Variants in GABRB1 observed in about 807,000 individuals in gnomAD.
GABRB1 encodes gamma-aminobutyric acid type A receptor subunit beta1, also known as gamma-aminobutyric acid receptor subunit beta-1.
Under a neutral mutation model 51.6 loss-of-function variants are expected in GABRB1, and 17 were observed. The ratio of observed to expected loss-of-function variants is 0.33; its 90% CI spans 0.23 to 0.49. GABRB1 has a LOEUF of 0.49. Among genes scored for constraint, GABRB1 ranks in the 20% least tolerant of loss-of-function variants. The probability of loss-of-function intolerance (pLI) is 0.99; values close to 1 mark genes in which losing one functional copy is unlikely to be tolerated. For missense variants in GABRB1, 410 were observed against 600.6 expected (o/e 0.68, Z 3.32); for synonymous variants, 247 against 218.9 (o/e 1.13, Z -1.14).
intron 5 of GABRB1, among the ~76,000 whole-genome samples, chr4:47,337,248 C>T (rs546152181): frequency 1.1e-4 from 16 of 152,028 alleles, no homozygotes; most frequent in South Asian, 2.1e-4. Context: ...ATCCCCCCAT[C>T]CCCCGAAAGA....
chr4:47,365,634 G>A (rs1019034111), intron 5 of GABRB1, among the ~76,000 whole-genome samples: 1 of 152,030 alleles, frequency 6.6e-6, no homozygotes, highest in African/African-American at 2.4e-5. Context: ...TGTTTACTCC[G>A]TGTCTTCTGG....
At chr4:47,214,082 C>T (rs546472229) in intron 4 of GABRB1, among the ~76,000 whole-genome samples, 3 of 152,190 alleles carry the variant, frequency 2.0e-5, no homozygotes, top group East Asian at 1.9e-4. Context: ...GCTAGTGTGC[C>T]TGTTACTGAC....
chr4:47,353,081 A>G (rs1174482940), intron 5 of GABRB1, among the ~76,000 whole-genome samples: 2 of 152,222 alleles, frequency 1.3e-5, no homozygotes, highest in African/African-American at 4.8e-5. Flanking sequence ...AAGATGCAAA[A>G]GCAGAAACCT....
chr4:47,402,403 A>G (rs1016929633), intron 5 of GABRB1, among the ~76,000 whole-genome samples: 9 of 152,240 alleles, frequency 5.9e-5, no homozygotes, highest in Non-Finnish European at 4.4e-5. Context: ...TAGAAAATGA[A>G]TTTAGAAAGA....
intron 4 of GABRB1, among the ~76,000 whole-genome samples, chr4:47,192,714 ATTGT>A (rs1719489751): frequency 6.6e-6 from 1 of 152,182 alleles, no homozygotes; most frequent in African/African-American, 2.4e-5. Flanking sequence ...CATTTACTTT[ATTGT>A]AAATTTTCTT....
intron 1 of GABRB1, among the ~76,000 whole-genome samples, chr4:47,025,391 C>T (rs1049550889): frequency 1.3e-5 from 2 of 151,834 alleles, no homozygotes; most frequent in African/African-American, 4.8e-5. Context: ...TTTTCTGCAT[C>T]CATGCCAATA....
chr4:47,333,848 T>C (rs1488878186), intron 5 of GABRB1, among the ~76,000 whole-genome samples: 1 of 152,226 alleles, frequency 6.6e-6, no homozygotes, highest in African/African-American at 2.4e-5. Context: ...GCCCTATAGG[T>C]ACTGGCTGTA....
At position 47,415,911 on chromosome 4, in the gene GABRB1, G is replaced by C. The variant is rs925576268; in HGVS notation, c.1080+8985G>C. 3.9e-5 allele frequency among the ~76,000 whole-genome samples: 6 copies of C among 151,996 alleles called. No homozygotes were observed. The East Asian group carries it at 1.2e-3, about 29-fold the overall frequency. On this transcript the variant is annotated intron_variant, in intron 8 of 8. Coordinates refer to ENST00000295454, the MANE Select transcript of GABRB1 (RefSeq NM_000812.4). The stretch of plus-strand genomic sequence containing the variant: ...AGGTGTCCTTGGCCATTGAAACTCA[G>C]AGCTCAGAGAGATGACTCAAAGTAT...
intron 3 of GABRB1, among the ~76,000 whole-genome samples, chr4:47,110,437 C>T (rs1307943627): frequency 6.6e-6 from 1 of 152,118 alleles, no homozygotes; most frequent in Non-Finnish European, 1.5e-5. Context: ...AAAAGATGCA[C>T]AAGCCATCAG....
intron 4 of GABRB1, among the ~76,000 whole-genome samples, chr4:47,194,493 A>G (rs1159395856): frequency 6.6e-6 from 1 of 152,136 alleles, no homozygotes; most frequent in Non-Finnish European, 1.5e-5. Context: ...CAGAAAAAAA[A>G]GTTATTAAAT....
intron 5 of GABRB1, among the ~76,000 whole-genome samples, chr4:47,332,779 C>A (rs999668757): frequency 9.9e-5 from 15 of 151,634 alleles, no homozygotes; most frequent in African/African-American, 3.2e-4. Flanking sequence ...AGACCCAGTT[C>A]TCTAAATAAA....
Position 47,031,569 on chromosome 4 carries a change from T to C in GABRB1, c.-83T>C, listed in dbSNP as rs140573802. 8 of 1,162,504 alleles carry C rather than the reference T, an allele frequency of 6.9e-6. No homozygotes were observed. Among genetic ancestry groups the C allele is most frequent in the African/African-American group, 1.5e-5 (1 of 65,964 alleles). The allele number at this position is 1,162,504 out of a possible 1,614,324, so 72.0% of individuals were successfully genotyped here. ...GCGCTCTGCGCATGCGCAGGTCCAT[T>C]CGGGAATTACTGCCCAGCAGCCGAC... On this transcript the variant is annotated 5_prime_UTR_variant, in exon 1 of 9. Coordinates refer to ENST00000295454, the MANE Select transcript of GABRB1 (RefSeq NM_000812.4).
intron 4 of GABRB1, among the ~76,000 whole-genome samples, chr4:47,297,924 G>A (rs1724073954): frequency 6.6e-6 from 1 of 152,194 alleles, no homozygotes; most frequent in Admixed American, 6.5e-5. Flanking sequence ...TGGGATGCAA[G>A]GCTGGTTCAA....
At chr4:47,106,271 C>A (rs1210764418) in intron 3 of GABRB1, among the ~76,000 whole-genome samples, 2 of 151,972 alleles carry the variant, frequency 1.3e-5, no homozygotes, top group Non-Finnish European at 2.9e-5. Flanking sequence ...TTTTAAAAAA[C>A]CAAAATTGAA....
intron 1 of GABRB1, among the ~76,000 whole-genome samples, chr4:46,995,955 C>A (rs1169443083): frequency 6.6e-6 from 1 of 151,900 alleles, no homozygotes; most frequent in Non-Finnish European, 1.5e-5. Flanking sequence ...ATTTATATCT[C>A]TTCTCATTTT....
chr4:47,011,270 G>A (rs1724575504), intron 1 of GABRB1, among the ~76,000 whole-genome samples: 1 of 152,056 alleles, frequency 6.6e-6, no homozygotes, highest in South Asian at 2.1e-4. Flanking sequence ...GCAAAAATAA[G>A]GCCACAGGTA....
At chr4:47,100,816 C>T (rs905647417) in intron 3 of GABRB1, among the ~76,000 whole-genome samples, 8 of 151,858 alleles carry the variant, frequency 5.3e-5, no homozygotes, top group African/African-American at 1.2e-4. Flanking sequence ...AAGAAGGAAC[C>T]ATACAAGAGT....
At chr4:47,006,252 A>G (rs1724394718) in intron 1 of GABRB1, among the ~76,000 whole-genome samples, 2 of 152,158 alleles carry the variant, frequency 1.3e-5, no homozygotes, top group Admixed American at 6.6e-5. Context: ...CCAATCTTTC[A>G]CAGACAGACC....
chr4:47,067,139 C>G lies in GABRB1; in HGVS notation c.240+34655C>G, dbSNP rs190867066. On this transcript the variant is annotated intron_variant, in intron 3 of 8. Transcript: ENST00000295454. ...CTATCTTGAAAGGATTCTTTTTTTT[C>G]TGAGAAGTAGATCTTAACAATGTGC... 2.5e-4 allele frequency among the ~76,000 whole-genome samples: 38 copies of G among 152,050 alleles called. No homozygotes were observed. The East Asian group carries it at 7.4e-3, about 29-fold the overall frequency.
Sources: gnomAD v4.1 joint callset for allele counts (sites outside exome capture counted in the v4.1 genomes callset) on GRCh38, gnomAD v4.1.1 for gene constraint, MANE v1.5 for transcripts, NCBI Gene and HGNC (gene_info 2026-07-23, HGNC 2026-07-21) for gene names.